The following ATM variants were observed in gnomAD, a reference collection of about 807,000 sequenced individuals.
The protein encoded by ATM is ATM serine/threonine kinase.
Under a neutral mutation model 387.0 loss-of-function variants are expected in ATM, and 308 were observed. That is an observed-to-expected ratio of 0.80 (90% confidence interval 0.73 to 0.87). ATM has a LOEUF of 0.87. ATM is among the 40% of genes least tolerant of loss of function. The pLI is 0.00. For synonymous variants in ATM, 1,156 were observed against 1,187.3 expected, an observed-to-expected ratio of 0.97 and a Z score of 0.54; for missense variants, 3,312 against 3,560.9, an observed-to-expected ratio of 0.93 and a Z score of 1.78.
At chr11:108,358,797 A>G (rs1366766609) in intron 61 of ATM, among the ~76,000 whole-genome samples, 1 of 149,574 alleles carries the variant, frequency 6.7e-6, no homozygotes, top group Non-Finnish European at 1.5e-5. Context: ...TGAAGGAAGC[A>G]CTAAACATGG....
intron 29 of ATM, among the ~76,000 whole-genome samples, chr11:108,291,730 G>GA (rs931025448): frequency 3.3e-5 from 5 of 152,174 alleles, no homozygotes; most frequent in African/African-American, 1.2e-4. Flanking sequence ...CATGAGAGGA[G>GA]AAAACTTTTC....
chr11:108,329,700 T>C (rs1793159231), intron 49 of ATM, among the ~76,000 whole-genome samples: 1 of 152,224 alleles, frequency 6.6e-6, no homozygotes, highest in Non-Finnish European at 1.5e-5. Context: ...TGTGAGGCAC[T>C]GTGCCCTGTC....
chr11:108,316,596 A>G (rs182411086), intron 42 of ATM, among the ~76,000 whole-genome samples: 1 of 152,008 alleles, frequency 6.6e-6, no homozygotes, highest in Non-Finnish European at 1.5e-5. Context: ...GGGAAACATT[A>G]AACGATATTT....
At position 108,319,317 on chromosome 11, in the gene ATM, A is replaced by G. The variant is rs540395644; in HGVS notation, c.6348-637A>G. Among the ~76,000 whole-genome samples the G allele has an allele frequency of 2.6e-5, 4 of 152,166 alleles. No homozygotes were observed. The East Asian group carries it at 5.8e-4, about 22-fold the overall frequency. On this transcript the variant is annotated intron_variant, in intron 43 of 62. Coordinates refer to ENST00000675843, the MANE Select transcript of ATM (RefSeq NM_000051.4). ...TTGCCTCTGTAAATCAATATATACT[A>G]TTCTTCTCCTTCCTCTTGTATTTCA... is the stretch of plus-strand genomic sequence containing the variant.
chr11:108,297,250 T>C (rs999030917), intron 32 of ATM, 37 bp from the exon 33 acceptor site: 4 of 1,522,430 alleles, frequency 2.6e-6, no homozygotes, highest in Non-Finnish European at 3.6e-6. Flanking sequence ...GTTGTCTTCA[T>C]GCTAGTTTAA....
rs926466183 is a variant in ATM at position 108,229,181 on chromosome 11, T to C, written c.189T>C (p.Phe63=). Residue 63 remains phenylalanine (F), a synonymous_variant, in exon 4 of 63, where the codon TTT becomes TTC. Transcript: ENST00000675843. ...KYLNWDAVFR[F]LQKYIQKETE... Reference sequence around the variant, plus strand: ...ATTGCATTTTGTTTTCTTGAAGATTTTTACAGAAATATATTCAGAAAGAAA... The same window carrying C: ...ATTGCATTTTGTTTTCTTGAAGATTCTTACAGAAATATATTCAGAAAGAAA... The C allele has an allele frequency of 6.2e-7, 1 of 1,610,778 alleles. No homozygotes were observed. The highest frequency in any genetic ancestry group is 1.1e-5 in the South Asian group (1 of 90,322).
intron 60 of ATM, among the ~76,000 whole-genome samples, 190 bp downstream of exon 60, chr11:108,354,070 A>C (rs678526): frequency 0.11 from 12,948 of 115,418 alleles, 844 homozygotes; most frequent in South Asian, 0.17. Flanking sequence ...CACACACACA[A>C]ACACACACAC....
intron 4 of ATM, among the ~76,000 whole-genome samples, chr11:108,234,031 T>C (rs1036460331): frequency 6.6e-6 from 1 of 152,246 alleles, no homozygotes; most frequent in Non-Finnish European, 1.5e-5. Context: ...GGGCAGTCAC[T>C]GGGCTTTTAC....
intron 55 of ATM, chr11:108,335,349 TACAGA>T (rs2086722468): frequency 7.9e-7 from 1 of 1,258,852 alleles, no homozygotes; most frequent in African/African-American, 1.5e-5. Context: ...CATTAACATG[TACAGA>T]CATGTACAGT....
chr11:108,277,136 C>T (rs1329129888), intron 22 of ATM, among the ~76,000 whole-genome samples: 7 of 152,118 alleles, frequency 4.6e-5, no homozygotes, highest in Admixed American at 3.9e-4. Flanking sequence ...CCACCCAGTT[C>T]GAACTTCCTA....
rs587778068 is a variant in ATM at position 108,267,275 on chromosome 11, A to AT, written c.2574dup (p.Asn859Ter). 6.2e-7 allele frequency: 1 copy of AT among 1,614,156 alleles called. No individual in the cohort carries two copies. Among genetic ancestry groups the AT allele is most frequent in the Non-Finnish European group, 8.5e-7 (1 of 1,180,000 alleles). On this transcript the variant is annotated frameshift_variant, in exon 17 of 63. Transcript: ENST00000675843. LOFTEE classifies it high-confidence loss of function. The stretch of plus-strand genomic sequence containing the variant: ...TGGAGGATCAGTCATCCATGAATCT[A>AT]TTTAACGATTACCCTGATAGTAGTG...
chr11:108,272,498 ATTAT>A (rs775319687), intron 20 of ATM, 30 bp from the exon 21 acceptor site: 13 of 1,530,650 alleles, frequency 8.5e-6, no homozygotes, highest in Middle Eastern at 1.7e-4. Flanking sequence ...TATCAGAATG[ATTAT>A]TTAACTTTGG....
Position 108,252,846 on chromosome 11 carries a change from T to A in ATM, c.1832T>A (p.Ile611Asn), listed in dbSNP as rs1373171382. ...SNFPHLVLEK[I>N]LVSLTMKNCK... The stretch of plus-strand genomic sequence containing the variant: ...TTTCCTCATCTTGTACTGGAGAAAA[T>A]TCTTGTGAGTCTCACTATGAAAAAC... Residue 611 changes from isoleucine (I) to asparagine (N), a missense_variant, in exon 12 of 63, where the codon ATT becomes AAT. Physicochemically the swap from Ile to Asn is moderately radical, Grantham distance 149. Around this residue, in one of 4 missense-constraint regions of ATM, gnomAD observed 1,791 missense variants for 1,804.5 expected, o/e 0.99. Coordinates refer to ENST00000675843, the MANE Select transcript of ATM (RefSeq NM_000051.4). 1 of 1,613,032 alleles carries A rather than the reference T, an allele frequency of 6.2e-7. No individual in the cohort carries two copies.
chr11:108,347,435 A>C lies in ATM; in HGVS notation c.8671+70A>C, dbSNP rs1021460237. On this transcript the variant is annotated intron_variant, in intron 59 of 62. Coordinates refer to ENST00000675843, the MANE Select transcript of ATM (RefSeq NM_000051.4). ...GGTCATCATGGAATGTTGTTTGCCT[A>C]CCAAGATATTACAAATATAAGAGAC... 3 of 1,252,524 alleles carry C rather than the reference A, an allele frequency of 2.4e-6. No homozygotes were observed. The Admixed American group carries it at 5.3e-5, about 22-fold the overall frequency. The allele number at this position is 1,252,524 out of a possible 1,614,324, so 77.6% of individuals were successfully genotyped here. A position where few individuals can be genotyped will look rare whatever the true frequency, so the allele number is the denominator to read the frequency against.
At chr11:108,280,193 G>T (rs566253740) in intron 23 of ATM, among the ~76,000 whole-genome samples, 1 of 152,112 alleles carries the variant, frequency 6.6e-6, no homozygotes, top group African/African-American at 2.4e-5. Flanking sequence ...GTTTAGAAAA[G>T]AATTTCAATA....
intron 61 of ATM, among the ~76,000 whole-genome samples, chr11:108,357,556 T>C (rs1366745904): frequency 6.6e-6 from 1 of 152,132 alleles, no homozygotes; most frequent in Non-Finnish European, 1.5e-5. Context: ...TCTGACAGCT[T>C]TGAAGAGAGT....
In ATM at chr11:108,244,670, AC is replaced by A. The variant is rs2079742942; in HGVS notation, c.663-117del. 9 of 826,278 alleles carry A rather than the reference AC, an allele frequency of 1.1e-5. No individual in the cohort carries two copies. In the East Asian group the frequency reaches 2.2e-4, roughly 20 times the overall value. The allele number at this position is 826,278 out of a possible 1,614,324, so 51.2% of individuals were successfully genotyped here. ...AATGAATAGTTTTGAAATTAAGACTACTGTTTGAAAATTAGGGTTTTGTTTT... is the reference window on the plus strand; with the variant it reads ...AATGAATAGTTTTGAAATTAAGACTATGTTTGAAAATTAGGGTTTTGTTTT... On this transcript the variant is annotated intron_variant, in intron 6 of 62. Coordinates refer to ENST00000675843, the MANE Select transcript of ATM (RefSeq NM_000051.4).
intron 4 of ATM, among the ~76,000 whole-genome samples, chr11:108,231,855 G>A (rs962260223): frequency 1.3e-5 from 2 of 152,098 alleles, no homozygotes; most frequent in South Asian, 2.1e-4. Flanking sequence ...TCTGAGATGC[G>A]AGTTCGTGTG....
chr11:108,279,027 T>TA (rs2082086582), intron 22 of ATM, among the ~76,000 whole-genome samples: 1 of 152,228 alleles, frequency 6.6e-6, no homozygotes, highest in Non-Finnish European at 1.5e-5. Context: ...ATGTGGGTGT[T>TA]ACGCAAAAGG....
Sources: gnomAD v4.1 joint callset for allele counts (sites outside exome capture counted in the v4.1 genomes callset) on GRCh38, gnomAD v4.1.1 for gene constraint, gnomAD v4.1.1 regional missense constraint, MANE v1.5 for transcripts, NCBI Gene and HGNC (gene_info 2026-07-23, HGNC 2026-07-21) for gene names.